The following FZR1 variants were observed in gnomAD, a reference collection of about 807,000 sequenced individuals.
FZR1 encodes the protein fizzy and cell division cycle 20 related 1.
A neutral mutation model predicts 63.6 loss-of-function variants in FZR1; 11 were observed. The observed-to-expected ratio is 0.17, with a 90% CI of 0.11 to 0.29. The LOEUF is 0.29. Ranked by LOEUF, FZR1 falls within the 10% of genes least tolerant of loss-of-function variation. The pLI is 1.00. For synonymous variants in FZR1, 328 were observed against 297.9 expected, an observed-to-expected ratio of 1.10 and a Z score of -1.04; for missense variants, 440 against 687.5, an observed-to-expected ratio of 0.64 and a Z score of 4.03.
At chr19:3,528,509 G>T (rs1184239690) in intron 7 of FZR1, among the ~76,000 whole-genome samples, 1 of 148,232 alleles carries the variant, frequency 6.7e-6, no homozygotes, top group Non-Finnish European at 1.5e-5. Flanking sequence ...TCCCATGCAG[G>T]CTCTCCCCTG....
At chr19:3,518,642 G>T (rs2083076456) in intron 1 of FZR1, among the ~76,000 whole-genome samples, 1 of 152,230 alleles carries the variant, frequency 6.6e-6, no homozygotes, top group African/African-American at 2.4e-5. Context: ...TTTGAAGTCT[G>T]CTGGTGCCGT....
In FZR1 at chr19:3,516,815, G is replaced by A. The variant is rs2083061939; in HGVS notation, c.-34-6141G>A. On this transcript the variant is annotated intron_variant, in intron 1 of 13. Coordinates refer to ENST00000441788, the MANE Select transcript of FZR1 (RefSeq NM_016263.4). This position sits in a 1 kb window ranked among gnomAD's most constrained non-coding sequence, Gnocchi z 6.0. The stretch of plus-strand genomic sequence containing the variant: ...TAGACTGACAGCTGCTGCCCACCTG[G>A]CAACGTTTGGGCCATTGGCTCACGG... 6.6e-6 allele frequency among the ~76,000 whole-genome samples: 1 copy of A among 152,222 alleles called. No homozygotes were observed. Among genetic ancestry groups the A allele is most frequent in the South Asian group, 2.1e-4 (1 of 4,834 alleles).
rs1183979788 is a variant in FZR1, at chr19:3,526,865, G to A, written c.388-115G>A. On this transcript the variant is annotated intron_variant, in intron 5 of 13. Coordinates refer to ENST00000441788, the MANE Select transcript of FZR1 (RefSeq NM_016263.4). This position sits in a 1 kb window ranked among gnomAD's most constrained non-coding sequence, Gnocchi z 5.4. ...GCCTTTTTACAGCTGCTCCACACAG[G>A]GTCTCAGCACCTGCCTTAGGGCTAT... 5 of 737,206 alleles carry A rather than the reference G, an allele frequency of 6.8e-6. No individual in the cohort carries two copies. Among genetic ancestry groups the A allele is most frequent in the South Asian group, 3.2e-5 (2 of 63,430 alleles). 45.7% of individuals were successfully genotyped at this position (737,206 alleles called of 1,614,324 possible). A position where few individuals can be genotyped will look rare whatever the true frequency, so the allele number is the denominator to read the frequency against.
chr19:3,519,440 G>T (rs963290810), intron 1 of FZR1, among the ~76,000 whole-genome samples: 1 of 152,202 alleles, frequency 6.6e-6, no homozygotes, highest in Non-Finnish European at 1.5e-5. Flanking sequence ...GAGGGCGGAG[G>T]GCTGGCCTCC....
At chr19:3,518,329 C>A (rs1293808173) in intron 1 of FZR1, among the ~76,000 whole-genome samples, 2 of 152,148 alleles carry the variant, frequency 1.3e-5, no homozygotes, top group African/African-American at 2.4e-5. Flanking sequence ...GTTGGCTGAT[C>A]TCAAACTCCT....
chr19:3,526,146 C>T lies in FZR1; in HGVS notation c.222C>T (p.Asn74=), dbSNP rs2083154966. 4 of 1,612,884 alleles carry T rather than the reference C, an allele frequency of 2.5e-6. No homozygotes were observed. Among genetic ancestry groups the T allele is most frequent in the African/African-American group, 2.7e-5 (2 of 74,932 alleles). The part of the protein sequence containing the change: ...INENEKSPSQ[N]RKAKDATSDN... ...AGAATGAGAAGTCTCCCAGTCAGAA[C>T]CGGAAAGCCAAGGACGCCACCTCAG... Residue 74 remains asparagine, a synonymous_variant, in exon 4 of 14, where the codon AAC becomes AAT. Coordinates refer to ENST00000441788, the MANE Select transcript of FZR1 (RefSeq NM_016263.4). The surrounding 1 kb of genome is among the most constrained non-coding windows in gnomAD (Gnocchi z 5.4).
chr19:3,508,676 T>C (rs2083003478), intron 1 of FZR1, among the ~76,000 whole-genome samples: 2 of 152,186 alleles, frequency 1.3e-5, no homozygotes, highest in African/African-American at 4.8e-5. Flanking sequence ...TCCCGGGGAC[T>C]CCAGGCAGAG....
rs1315950095 is a variant in FZR1 at position 3,529,695 on chromosome 19, G to GGAGAGCGGA, written c.655-1097_655-1096insGAGAGCGGA. Among the ~76,000 whole-genome samples, 98 of 143,862 alleles carry GGAGAGCGGA rather than the reference G, an allele frequency of 6.8e-4. 4 individuals are homozygous for GGAGAGCGGA. The highest frequency in any genetic ancestry group is 8.3e-4 in the Admixed American group (12 of 14,450). The allele number at this position is 143,862 out of a possible 152,430, so 94.4% of individuals were successfully genotyped here. A position where few individuals can be genotyped will look rare whatever the true frequency, so the allele number is the denominator to read the frequency against. On this transcript the variant is annotated intron_variant, in intron 7 of 13. Coordinates refer to ENST00000441788, the MANE Select transcript of FZR1 (RefSeq NM_016263.4). ...ATGAGAGTGGTTGAGGGAGTGGATG[G>GGAGAGCGGA]TTGAGCGGATGGGAGAGCGGATGGG...
intron 2 of FZR1, among the ~76,000 whole-genome samples, chr19:3,524,248 T>C (rs1351086678): frequency 6.6e-6 from 1 of 152,194 alleles, no homozygotes; most frequent in East Asian, 1.9e-4. Context: ...GGCCCAGCAG[T>C]GCGTGGGAGG....
chr19:3,533,154 T>TC lies in FZR1; in HGVS notation c.1243-137dup, dbSNP rs1200774506. The stretch of plus-strand genomic sequence containing the variant: ...GACAGACTCAGGTGGCAGAGCCACA[T>TC]CCCAGCATCCCCTGCTCCTCCTGGG... On this transcript the variant is annotated intron_variant, in intron 11 of 13. Coordinates refer to ENST00000441788, the MANE Select transcript of FZR1 (RefSeq NM_016263.4). This position sits in a 1 kb window ranked among gnomAD's most constrained non-coding sequence, Gnocchi z 4.9. 15 of 658,442 alleles carry TC rather than the reference T, an allele frequency of 2.3e-5. 1 individual carries two copies. The East Asian group carries it at 4.0e-4, about 18-fold the overall frequency. 40.8% of individuals were successfully genotyped at this position (658,442 alleles called of 1,614,324 possible).
In FZR1 at chr19:3,533,243, C is replaced by G; in HGVS notation, c.1243-51C>G. On this transcript the variant is annotated intron_variant, in intron 11 of 13. Coordinates refer to ENST00000441788, the MANE Select transcript of FZR1 (RefSeq NM_016263.4). This position sits in a 1 kb window ranked among gnomAD's most constrained non-coding sequence, Gnocchi z 4.9. ...GGTGCATGTGAGGCAGCAGGCATAG[C>G]ACCCGGCCTCGTTGCCCCTCACCGA... 9.0e-7 allele frequency: 1 copy of G among 1,116,050 alleles called. No homozygotes were observed. The highest frequency in any genetic ancestry group is 1.4e-6 in the Non-Finnish European group (1 of 731,608). 69.1% of individuals were successfully genotyped at this position (1,116,050 alleles called of 1,614,324 possible). A position where few individuals can be genotyped will look rare whatever the true frequency, so the allele number is the denominator to read the frequency against.
chr19:3,533,560 T>C lies in FZR1; in HGVS notation c.1347+162T>C. The C allele has an allele frequency of 1.7e-6, 1 of 601,866 alleles. No individual in the cohort carries two copies. Among genetic ancestry groups the C allele is most frequent in the East Asian group, 2.9e-5 (1 of 35,016 alleles). The allele number at this position is 601,866 out of a possible 1,614,324, so 37.3% of individuals were successfully genotyped here. A position where few individuals can be genotyped will look rare whatever the true frequency, so the allele number is the denominator to read the frequency against. On this transcript the variant is annotated intron_variant, in intron 12 of 13. Coordinates refer to ENST00000441788, the MANE Select transcript of FZR1 (RefSeq NM_016263.4). This position sits in a 1 kb window ranked among gnomAD's most constrained non-coding sequence, Gnocchi z 4.9. ...CCGGCAGGGCATCTGGTGCTGGTTG[T>C]GTTGCCAGCGTTGGAATGGGCTCTA...
intron 8 of FZR1, 56 bp downstream of exon 8, chr19:3,530,913 G>A (rs1040196387): frequency 2.1e-6 from 3 of 1,404,184 alleles, no homozygotes; most frequent in Non-Finnish European, 2.0e-6. Flanking sequence ...TCTTGACAGT[G>A]TTGGGGGCCT....
intron 1 of FZR1, among the ~76,000 whole-genome samples, chr19:3,513,319 A>G (rs746197118): frequency 6.6e-6 from 1 of 151,720 alleles, no homozygotes; most frequent in African/African-American, 2.4e-5. Context: ...TGCTGGAACC[A>G]CTCTGCGGAG....
chr19:3,526,536 A>G lies in FZR1; in HGVS notation c.387+150A>G, dbSNP rs922938357. 4.8e-6 allele frequency: 3 copies of G among 630,192 alleles called. No individual in the cohort carries two copies. In the South Asian group the frequency reaches 5.7e-5, roughly 12 times the overall value. The allele number at this position is 630,192 out of a possible 1,614,324, so 39.0% of individuals were successfully genotyped here. On this transcript the variant is annotated intron_variant, in intron 5 of 13. Transcript: ENST00000441788. The surrounding 1 kb of genome is among the most constrained non-coding windows in gnomAD (Gnocchi z 5.4). ...CCCGCCCTGACCCTGTTCCTTAGCC[A>G]GGTCAGGGGCCCTGGGATCTGAGGC...
chr19:3,533,461 C>A lies in FZR1; in HGVS notation c.1347+63C>A. On this transcript the variant is annotated intron_variant, in intron 12 of 13. Transcript: ENST00000441788. The surrounding 1 kb of genome is among the most constrained non-coding windows in gnomAD (Gnocchi z 4.9). ...TCTGGACAAACTGCCATGGCCACCC[C>A]AGAGCACCCTGTCCTGTGTTCTTAG... The A allele has an allele frequency of 1.0e-6, 1 of 955,360 alleles. No individual in the cohort carries two copies. Among genetic ancestry groups the A allele is most frequent in the East Asian group, 2.4e-5 (1 of 40,946 alleles). The allele number at this position is 955,360 out of a possible 1,614,324, so 59.2% of individuals were successfully genotyped here.
In FZR1 at chr19:3,524,749, G is replaced by A. The variant is rs562315870; in HGVS notation, c.70-1119G>A. On this transcript the variant is annotated intron_variant, in intron 2 of 13. Coordinates refer to ENST00000441788, the MANE Select transcript of FZR1 (RefSeq NM_016263.4). ...CTTCCTGCCTCTCCCAGCTTCTGGG[G>A]GCTCCTGCTATCCGTGGCTGTGACC... 1.0e-3 allele frequency among the ~76,000 whole-genome samples: 159 copies of A among 152,268 alleles called. 1 individual carries two copies. Among genetic ancestry groups the A allele is most frequent in the Non-Finnish European group, 2.0e-3 (134 of 68,024 alleles).
intron 7 of FZR1, among the ~76,000 whole-genome samples, chr19:3,530,270 A>G (rs1599790589): frequency 3.0e-5 from 4 of 132,110 alleles, no homozygotes; most frequent in African/African-American, 8.9e-5. Flanking sequence ...GGGAGAGCGG[A>G]TGGGAGAGCG....
chr19:3,520,937 G>A (rs1045475744), intron 1 of FZR1, among the ~76,000 whole-genome samples: 7 of 152,212 alleles, frequency 4.6e-5, no homozygotes, highest in Admixed American at 1.3e-4. Flanking sequence ...TCTGGTCTCC[G>A]TGAGTCAGCC....
Sources: allele counts gnomAD v4.1 joint callset (sites outside exome capture counted in the v4.1 genomes callset), GRCh38; gene constraint gnomAD v4.1.1; non-coding constraint Gnocchi (gnomAD v3.1); transcripts MANE v1.5; gene names NCBI Gene and HGNC (gene_info 2026-07-23, HGNC 2026-07-21).